AHCY: variants seen among roughly 807,000 people sequenced by gnomAD.
AHCY encodes the protein adenosylhomocysteinase.
AHCY carries 24 observed loss-of-function variants against 45.4 expected under a neutral mutation model. The observed-to-expected ratio is 0.53, with a 90% CI of 0.38 to 0.74. AHCY has a LOEUF of 0.74. Among genes scored for constraint, AHCY ranks in the 30% least tolerant of loss-of-function variants. The pLI, the probability that AHCY is intolerant of heterozygous loss-of-function variation, is 0.00. For missense variants in AHCY, 449 were observed against 594.1 expected (o/e 0.76, Z 2.54); for synonymous variants, 245 against 235.1 (o/e 1.04, Z -0.39).
chr20:34,257,321 G>A, the AHCY span, among the ~76,000 whole-genome samples: 1 of 152,054 alleles, frequency 6.6e-6, no homozygotes, highest in Admixed American at 6.5e-5. Flanking sequence ...CTGACCCCAA[G>A]TGATCCATTC....
Position 34,291,815 on chromosome 20 carries a change from C to T in AHCY, c.446-284G>A, listed in dbSNP as rs1385495953. On this transcript the variant is annotated intron_variant, in intron 4 of 9. Transcript: ENST00000217426. The stretch of plus-strand genomic sequence containing the variant: ...TGACCCTGTCGCTTCTTCCCAGTCT[C>T]CCTACCACAACCCATCCTCCATGCA... Among the ~76,000 whole-genome samples the T allele has an allele frequency of 2.0e-5, 3 of 152,350 alleles. No homozygotes were observed. In the East Asian group the frequency reaches 5.8e-4, roughly 29 times the overall value.
chr20:34,295,387 G>A lies in AHCY; in HGVS notation c.219+8C>T, dbSNP rs768480898. ...AGGACTCTGGGGTGATACAGCTGTG[G>A]GCCTCACCTCAGCACCCAGGGTGAC... On this transcript the variant is annotated splice_region_variant and intron_variant, in intron 2 of 9. Transcript: ENST00000217426. The A allele has an allele frequency of 5.6e-6, 9 of 1,613,804 alleles. No individual in the cohort carries two copies. Among genetic ancestry groups the A allele is most frequent in the African/African-American group, 1.3e-5 (1 of 74,930 alleles).
At chr20:34,245,320 T>A in the AHCY span, among the ~76,000 whole-genome samples, 1 of 133,064 alleles carries the variant, frequency 7.5e-6, no homozygotes, top group African/African-American at 2.8e-5. Flanking sequence ...GGCGACAGTG[T>A]GAGACTCTGT....
the AHCY span, chr20:34,234,854 G>A: frequency 6.6e-6 from 1 of 152,118 alleles, no homozygotes; most frequent in Non-Finnish European, 1.5e-5. Context: ...CTGTAAAACA[G>A]TATGTCATGT....
At chr20:34,272,201 G>A in the AHCY span, among the ~76,000 whole-genome samples, 137 of 152,276 alleles carry the variant, frequency 9.0e-4, 1 homozygote, top group Middle Eastern at 0.014. Context: ...CTGATGTGGG[G>A]CCAAGAAAGG....
the AHCY span, among the ~76,000 whole-genome samples, chr20:34,239,235 C>CT: frequency 3.7e-3 from 542 of 146,152 alleles, 2 homozygotes; most frequent in African/African-American, 0.011. Context: ...TGTTCAAATA[C>CT]TTTTTTTTTT....
At chr20:34,296,563 ATAT>A (rs1238853423) in intron 1 of AHCY, among the ~76,000 whole-genome samples, 3 of 152,196 alleles carry the variant, frequency 2.0e-5, no homozygotes, top group African/African-American at 4.8e-5. Flanking sequence ...GGAAAGAAGG[ATAT>A]TATTATGAGC....
At chr20:34,269,542 G>C in the AHCY span, among the ~76,000 whole-genome samples, 1 of 151,952 alleles carries the variant, frequency 6.6e-6, no homozygotes, top group Non-Finnish European at 1.5e-5. Flanking sequence ...ACCCGAGGCT[G>C]CCTCCAAAAC....
the AHCY span, among the ~76,000 whole-genome samples, chr20:34,244,486 A>G: frequency 4.6e-5 from 7 of 152,202 alleles, no homozygotes; most frequent in Non-Finnish European, 1.0e-4. Context: ...CGCCTTTGAC[A>G]TTACCAAAAT....
downstream of AHCY, among the ~76,000 whole-genome samples, chr20:34,278,581 A>C (rs1025774057): frequency 2.6e-5 from 4 of 152,046 alleles, no homozygotes; most frequent in Non-Finnish European, 5.9e-5. Context: ...TTCCTGATCT[A>C]ATGTTGGGAA....
the AHCY span, among the ~76,000 whole-genome samples, chr20:34,232,558 G>A: frequency 1.3e-5 from 2 of 152,276 alleles, no homozygotes; most frequent in Admixed American, 6.5e-5. Context: ...TCAACCACCT[G>A]TGAATAAGTC....
chr20:34,273,031 G>A, the AHCY span, among the ~76,000 whole-genome samples: 11 of 152,294 alleles, frequency 7.2e-5, no homozygotes, highest in East Asian at 2.1e-3. Flanking sequence ...AGCATGTCTG[G>A]CTATCAGGAA....
upstream of AHCY, among the ~76,000 whole-genome samples, chr20:34,307,153 C>G (rs140845416): frequency 5.4e-5 from 8 of 146,968 alleles, no homozygotes; most frequent in Admixed American, 2.1e-4. Flanking sequence ...GGTCTGCTAT[C>G]TAGGCTCACA....
the AHCY span, among the ~76,000 whole-genome samples, chr20:34,245,190 T>C: frequency 1.3e-5 from 2 of 150,950 alleles, no homozygotes; most frequent in Non-Finnish European, 3.0e-5. Flanking sequence ...AAAAATTAGC[T>C]GGGCGTGGTG....
the AHCY span, chr20:34,235,161 G>GC: frequency 6.6e-6 from 1 of 152,402 alleles, no homozygotes; most frequent in Non-Finnish European, 1.5e-5. Flanking sequence ...ATCTGCTTCA[G>GC]CCGGGCGCAG....
the AHCY span, among the ~76,000 whole-genome samples, chr20:34,268,758 C>T: frequency 2.0e-5 from 3 of 149,926 alleles, no homozygotes; most frequent in African/African-American, 4.9e-5. Context: ...AACAAACAAA[C>T]AAAAAAAACA....
At chr20:34,267,773 C>T in the AHCY span, among the ~76,000 whole-genome samples, 7 of 151,752 alleles carry the variant, frequency 4.6e-5, no homozygotes, top group African/African-American at 1.2e-4. Flanking sequence ...TCAGGTGATC[C>T]GCCTGCCTAG....
At chr20:34,247,447 C>A in the AHCY span, among the ~76,000 whole-genome samples, 8 of 151,612 alleles carry the variant, frequency 5.3e-5, no homozygotes, top group African/African-American at 1.9e-4. Flanking sequence ...ATTACAGGCA[C>A]ATGCCACCAC....
chr20:34,306,079 CAAAA>C (rs56039506), upstream of AHCY, among the ~76,000 whole-genome samples: 12 of 103,076 alleles, frequency 1.2e-4, no homozygotes, highest in Non-Finnish European at 1.4e-4. Context: ...AAGACTGCCT[CAAAA>C]AAAAAAAAAA....
Sources: allele counts gnomAD v4.1 joint callset (sites outside exome capture counted in the v4.1 genomes callset), GRCh38; gene constraint gnomAD v4.1.1; transcripts MANE v1.5; gene names NCBI Gene and HGNC (gene_info 2026-07-23, HGNC 2026-07-21).